The following UTY variants were observed in gnomAD, a reference collection of about 807,000 sequenced individuals.
The protein encoded by UTY is histone demethylase UTY.
In UTY, 12 loss-of-function variants were observed where a neutral mutation model predicts 32.5. The observed-to-expected ratio is 0.37, with a 90% CI of 0.24 to 0.60. The LOEUF (loss-of-function observed/expected upper bound fraction) is 0.60, where lower values mean the gene tolerates loss of function less well. UTY is among the 20% of genes least tolerant of loss of function. The probability of loss-of-function intolerance (pLI) is 0.69; values close to 1 mark genes in which losing one functional copy is unlikely to be tolerated. For synonymous variants in UTY, 131 were observed against 103.4 expected, an observed-to-expected ratio of 1.27 and a Z score of -1.62; for missense variants, 303 against 299.2, an observed-to-expected ratio of 1.01 and a Z score of -0.09.
chrY:13,249,161 C>CAGTA lies in UTY; in HGVS notation c.*694_*695insTACT, dbSNP rs2053998313. On this transcript the variant is annotated 3_prime_UTR_variant, in exon 30 of 30. Transcript: ENST00000545955. ...TACAGAACTCCTTAGTATTTAATGGCAGTTACGTCTGGAAAAAAACAACAT... is the reference window on the plus strand; with the variant it reads ...TACAGAACTCCTTAGTATTTAATGGCAGTAAGTTACGTCTGGAAAAAAACAACAT... 82 of 38,993 alleles carry CAGTA rather than the reference C, an allele frequency of 2.1e-3. No individual in the cohort carries two copies. The allele number at this position is 38,993 out of a possible 400,897, so 9.7% of individuals were successfully genotyped here. A position where few individuals can be genotyped will look rare whatever the true frequency, so the allele number is the denominator to read the frequency against.
Position 13,323,598 on chromosome Y carries a change from T to G in UTY, c.3233A>C (p.Lys1078Thr). The G allele has an allele frequency of 2.5e-6, 1 of 397,864 alleles. No individual in the cohort carries two copies. The highest frequency in any genetic ancestry group is 3.5e-6 in the Non-Finnish European group (1 of 282,887). ...GGAGGAAGCCTGGTATTGTGCGTAT[T>G]TGGCAATTGTAGTATGAGATCTATT... ...ESNRSHTTIA[K>T]YAQYQASSFQ... The change falls in exon 21 of 30, where the codon AAA becomes ACA. Residue 1078 changes from lysine (K) to threonine (T), a missense_variant. Lys to Thr is a moderately conservative substitution (Grantham distance 78). Coordinates refer to ENST00000545955, the MANE Select transcript of UTY (RefSeq NM_001258249.2).
intron 4 of UTY, among the ~76,000 whole-genome samples, chrY:13,426,391 A>C: frequency 3.0e-5 from 1 of 33,128 alleles, no homozygotes; most frequent in Non-Finnish European, 7.5e-5. Flanking sequence ...CACATAATAA[A>C]CATTCCTGAA....
chrY:13,320,174 T>A, intron 21 of UTY, among the ~76,000 whole-genome samples: 1 of 33,236 alleles, frequency 3.0e-5, no homozygotes, highest in African/African-American at 1.2e-4. Flanking sequence ...GCTGCATTTG[T>A]TATGGTGTTC....
chrY:13,351,785 T>TAA (rs2062417994), intron 17 of UTY, among the ~76,000 whole-genome samples: 2 of 33,677 alleles, frequency 5.9e-5, no homozygotes, highest in Admixed American at 5.4e-4. Flanking sequence ...TATAATACTG[T>TAA]AAATAAACTT....
chrY:13,273,246 G>C (rs2056418172), intron 27 of UTY, among the ~76,000 whole-genome samples: 5 of 33,569 alleles, frequency 1.5e-4, no homozygotes, highest in African/African-American at 5.8e-4. Flanking sequence ...AATTAATAAT[G>C]TGGTTAACTG....
At chrY:13,427,485 A>C in intron 4 of UTY, among the ~76,000 whole-genome samples, 3 of 33,522 alleles carry the variant, frequency 8.9e-5, no homozygotes, top group African/African-American at 3.5e-4. Flanking sequence ...TCACAGACTG[A>C]AACAAAAATA....
At position 13,355,944 on chromosome Y, in the gene UTY, A is replaced by G. The variant is rs2032654; in HGVS notation, c.1644T>C (p.Ser548=). Residue 548 remains serine (S), a synonymous_variant, in exon 16 of 30, where the codon AGT becomes AGC. Transcript: ENST00000545955. The stretch of plus-strand genomic sequence containing the variant: ...ATACTTGCTGCATTAAGACAAACTG[A>G]CTTTCTAACTGTTCCAGCTGATGCT... The part of the protein sequence containing the change: ...AQKHQLEQLE[S]QFVLMQQMRH... 14,005 of 388,735 alleles carry G rather than the reference A, an allele frequency of 0.036. No individual in the cohort carries two copies. Among genetic ancestry groups the G allele is most frequent in the Middle Eastern group, 0.2 (304 of 1,517 alleles).
At chrY:13,469,384 A>C (rs769879898) in intron 3 of UTY, among the ~76,000 whole-genome samples, 23 of 31,427 alleles carry the variant, frequency 7.3e-4, no homozygotes, top group African/African-American at 2.9e-3. Context: ...AATTTTTGTA[A>C]TTTTAGTAGA....
intron 18 of UTY, among the ~76,000 whole-genome samples, chrY:13,329,392 C>T: frequency 3.0e-5 from 1 of 33,375 alleles, no homozygotes; most frequent in Non-Finnish European, 7.4e-5. Context: ...GTTAAAATTT[C>T]GAGGTTTAGG....
intron 5 of UTY, among the ~76,000 whole-genome samples, chrY:13,412,438 G>C (rs2071079385): frequency 2.1e-4 from 7 of 32,972 alleles, no homozygotes; most frequent in African/African-American, 8.3e-4. Context: ...TTAAAAGGTA[G>C]GGGGTTTGGG....
chrY:13,401,460 T>C (rs2068979081), intron 6 of UTY, among the ~76,000 whole-genome samples: 1 of 33,985 alleles, frequency 2.9e-5, no homozygotes, highest in Non-Finnish European at 7.3e-5. Context: ...GGAAGCATAA[T>C]AGCCACACTT....
intron 27 of UTY, among the ~76,000 whole-genome samples, chrY:13,282,516 T>C: frequency 3.0e-5 from 1 of 33,626 alleles, no homozygotes; most frequent in Non-Finnish European, 7.4e-5. Context: ...AGAAGAACAC[T>C]GTGAAACTCC....
intron 3 of UTY, among the ~76,000 whole-genome samples, chrY:13,460,030 C>A (rs2077215342): frequency 3.0e-5 from 1 of 32,792 alleles, no homozygotes; most frequent in African/African-American, 1.2e-4. Flanking sequence ...TCCCTAATTT[C>A]TTGTATTTAA....
At chrY:13,409,030 T>A in intron 6 of UTY, among the ~76,000 whole-genome samples, 1 of 33,558 alleles carries the variant, frequency 3.0e-5, no homozygotes. Flanking sequence ...AGTTATCTGT[T>A]AATATGGTCT....
chrY:13,336,268 C>T lies in UTY; in HGVS notation c.2129G>A (p.Gly710Glu), dbSNP rs2061077725. ...AGTTGCCTGGTGATACTGGGCTGAC[C>T]CAGTGGAAAACAGAGGTTGTTCTTC... ...PNEEQPLFST[G>E]SAQYHQATST... Residue 710 changes from glycine (G) to glutamate (E), a missense_variant, in exon 18 of 30, where the codon GGG becomes GAG. Gly to Glu is a moderately conservative substitution (Grantham distance 98). Transcript: ENST00000545955. 2.5e-5 allele frequency: 10 copies of T among 395,159 alleles called. No individual in the cohort carries two copies. The highest frequency in any genetic ancestry group is 3.2e-5 in the Non-Finnish European group (9 of 282,708).
At chrY:13,285,513 C>T (rs2057303166) in intron 27 of UTY, among the ~76,000 whole-genome samples, 1 of 34,208 alleles carries the variant, frequency 2.9e-5, no homozygotes. Context: ...ACATCTTTTA[C>T]AACAAACAGC....
intron 21 of UTY, among the ~76,000 whole-genome samples, chrY:13,312,759 G>GA: frequency 7.2e-5 from 2 of 27,861 alleles, no homozygotes; most frequent in South Asian, 1.5e-3. Flanking sequence ...GTCCGTCTCA[G>GA]AAAAAAAAAA....
rs756719826 is a variant in UTY at position 13,470,124 on chromosome Y, T to C, written c.322A>G (p.Lys108Glu). ...TTTAGAAAGAGAATAACAATACCTT[T>C]TGAATAATCTTCCAACAAGAGGTTG... ...HFNLLLEDYS[K>E]ALSAYQRYYS... The change falls in exon 3 of 30, where the codon AAA becomes GAA. Residue 108 changes from lysine (K) to glutamate (E), a missense_variant. Coordinates refer to ENST00000545955, the MANE Select transcript of UTY (RefSeq NM_001258249.2). 2.6e-6 allele frequency: 1 copy of C among 381,547 alleles called. No individual in the cohort carries two copies. Among genetic ancestry groups the C allele is most frequent in the Non-Finnish European group, 3.7e-6 (1 of 273,372 alleles).
intron 8 of UTY, among the ~76,000 whole-genome samples, chrY:13,391,265 T>G (rs2067537353): frequency 2.9e-5 from 1 of 33,930 alleles, no homozygotes; most frequent in East Asian, 7.5e-4. Flanking sequence ...TAATTTTTTA[T>G]ATTTGTATCT....
Sources: allele counts gnomAD v4.1 joint callset (sites outside exome capture counted in the v4.1 genomes callset), GRCh38; gene constraint gnomAD v4.1.1; transcripts MANE v1.5; gene names NCBI Gene and HGNC (gene_info 2026-07-23, HGNC 2026-07-21).